The following SLC13A1 variants were observed in gnomAD, a reference collection of about 807,000 sequenced individuals.
The protein encoded by SLC13A1 is solute carrier family 13 member 1, also known as Na(+)/sulfate cotransporter.
Under a neutral mutation model 70.0 loss-of-function variants are expected in SLC13A1, and 65 were observed. The ratio of observed to expected loss-of-function variants is 0.93; its 90% CI spans 0.76 to 1.14. SLC13A1 has a LOEUF of 1.14. Among genes scored for constraint, SLC13A1 ranks in the 50% most tolerant of loss-of-function variants. SLC13A1 has a pLI of 0.00. For missense variants in SLC13A1, 726 were observed against 717.8 expected, an observed-to-expected ratio of 1.01 and a Z score of -0.13; for synonymous variants, 275 against 250.5, an observed-to-expected ratio of 1.10 and a Z score of -0.92.
intron 1 of SLC13A1, among the ~76,000 whole-genome samples, chr7:123,193,619 T>C (rs1248748657): frequency 6.6e-6 from 1 of 152,136 alleles, no homozygotes; most frequent in Non-Finnish European, 1.5e-5. Flanking sequence ...AAATAAGCAA[T>C]GACATCATGA....
At chr7:123,189,316 C>T (rs1795923683) in intron 1 of SLC13A1, among the ~76,000 whole-genome samples, 1 of 151,880 alleles carries the variant, frequency 6.6e-6, no homozygotes, top group African/African-American at 2.4e-5. Context: ...CATGTTGCTA[C>T]ATATTTTCTA....
intron 12 of SLC13A1, among the ~76,000 whole-genome samples, chr7:123,119,641 A>T (rs929875344): frequency 1.3e-5 from 2 of 152,018 alleles, no homozygotes; most frequent in African/African-American, 2.4e-5. Context: ...AGCCACTTAT[A>T]GCTAGCTATA....
intron 6 of SLC13A1, among the ~76,000 whole-genome samples, chr7:123,161,122 G>C (rs1011169901): frequency 6.6e-6 from 1 of 151,364 alleles, no homozygotes; most frequent in African/African-American, 2.4e-5. Flanking sequence ...TTGGTTCTTT[G>C]ACAAGACTTG....
chr7:123,174,882 C>G (rs549484555), intron 2 of SLC13A1, among the ~76,000 whole-genome samples: 43 of 152,000 alleles, frequency 2.8e-4, no homozygotes, highest in African/African-American at 1.0e-3. Context: ...ATGACCCTCT[C>G]TGCTTGTCTT....
chr7:123,159,940 G>A (rs1182030015), intron 6 of SLC13A1, among the ~76,000 whole-genome samples: 1 of 151,914 alleles, frequency 6.6e-6, no homozygotes, highest in Non-Finnish European at 1.5e-5. Context: ...TATAAAAGCT[G>A]GTAGTGTCAT....
chr7:123,149,561 C>T, intron 6 of SLC13A1: 1 of 456,530 alleles, frequency 2.2e-6, no homozygotes. Flanking sequence ...TCAGCCTTCT[C>T]ATTTTAAACA....
At position 123,147,154 on chromosome 7, in the gene SLC13A1, C is replaced by T. The variant is rs746534922; in HGVS notation, c.812+5G>A. The stretch of plus-strand genomic sequence containing the variant: ...TTAAATCACCAATCCAATAAGGTTA[C>T]TTACGTATTGAAATACTCTGCAAAG... On this transcript the variant is annotated splice_donor_5th_base_variant and intron_variant, in intron 7 of 14. Coordinates refer to ENST00000194130, the MANE Select transcript of SLC13A1 (RefSeq NM_022444.4). 1 of 1,612,450 alleles carries T rather than the reference C, an allele frequency of 6.2e-7. No individual in the cohort carries two copies. Among genetic ancestry groups the T allele is most frequent in the Non-Finnish European group, 8.5e-7 (1 of 1,179,366 alleles).
At chr7:123,151,513 T>C (rs1436479785) in intron 6 of SLC13A1, among the ~76,000 whole-genome samples, 1 of 152,026 alleles carries the variant, frequency 6.6e-6, no homozygotes, top group African/African-American at 2.4e-5. Context: ...TAAGCTGATG[T>C]CATCACCATC....
At chr7:123,178,017 T>TTCTTTCTCTCTCTCTCTCTC in intron 2 of SLC13A1, among the ~76,000 whole-genome samples, 1 of 148,926 alleles carries the variant, frequency 6.7e-6, no homozygotes, top group Admixed American at 6.7e-5. Context: ...ATCTCTCTCT[T>TTCTTTCTCTCTCTCTCTCTC]TCTCTCTCTC....
At chr7:123,164,009 T>C (rs967252627) in intron 6 of SLC13A1, among the ~76,000 whole-genome samples, 2 of 152,072 alleles carry the variant, frequency 1.3e-5, no homozygotes, top group East Asian at 3.8e-4. Flanking sequence ...CCTTGCATTT[T>C]AGTGGAGAAA....
chr7:123,113,843 G>A lies in SLC13A1; in HGVS notation c.*1675C>T, dbSNP rs1793083683. On this transcript the variant is annotated 3_prime_UTR_variant, in exon 15 of 15. Coordinates refer to ENST00000194130, the MANE Select transcript of SLC13A1 (RefSeq NM_022444.4). ...AACATGGCCAATTAATAATTCGTAT[G>A]TTAAATATTATTTTAAAAACCCTCT... The A allele has an allele frequency of 6.6e-6, 1 of 152,012 alleles. No homozygotes were observed. The highest frequency in any genetic ancestry group is 1.5e-5 in the Non-Finnish European group (1 of 67,996). 9.4% of individuals were successfully genotyped at this position (152,012 alleles called of 1,614,324 possible).
In SLC13A1 at chr7:123,115,513, G is replaced by A. The variant is rs745875592; in HGVS notation, c.*5C>T. 1.1e-5 allele frequency: 17 copies of A among 1,603,976 alleles called. No individual in the cohort carries two copies. Among genetic ancestry groups the A allele is most frequent in the Non-Finnish European group, 1.4e-5 (16 of 1,173,846 alleles). On this transcript the variant is annotated 3_prime_UTR_variant, in exon 15 of 15. Coordinates refer to ENST00000194130, the MANE Select transcript of SLC13A1 (RefSeq NM_022444.4). ...ACCGCAAGATAGTCAGAAATTTTGT[G>A]CTTATTATGGCATGGTCTCATTACT...
intron 3 of SLC13A1, 83 bp downstream of exon 3, chr7:123,171,685 G>A (rs374378675): frequency 2.4e-5 from 32 of 1,349,048 alleles, no homozygotes; most frequent in South Asian, 1.3e-4. Flanking sequence ...TTTCCTGGGC[G>A]TGAATTACTT....
chr7:123,127,281 A>G (rs978494879), intron 10 of SLC13A1, among the ~76,000 whole-genome samples: 2 of 152,082 alleles, frequency 1.3e-5, no homozygotes, highest in African/African-American at 2.4e-5. Context: ...CTCATAGCCA[A>G]TACACTGCTT....
chr7:123,119,412 G>A (rs1021884738), intron 12 of SLC13A1, among the ~76,000 whole-genome samples, 170 bp from the exon 13 acceptor site: 3 of 151,836 alleles, frequency 2.0e-5, no homozygotes, highest in Non-Finnish European at 4.4e-5. Context: ...TGGTAGGAAG[G>A]AGCTATTGCT....
intron 1 of SLC13A1, among the ~76,000 whole-genome samples, chr7:123,184,290 T>C (rs1397557364): frequency 2.6e-5 from 4 of 152,144 alleles, no homozygotes; most frequent in Non-Finnish European, 5.9e-5. Context: ...GAGAACACTT[T>C]ATATCCACTC....
chr7:123,187,829 ATGTT>A (rs1795859671), intron 1 of SLC13A1, among the ~76,000 whole-genome samples: 1 of 151,756 alleles, frequency 6.6e-6, no homozygotes, highest in Non-Finnish European at 1.5e-5. Context: ...TTTTCTACTG[ATGTT>A]TGTTTGGATT....
rs545800338 is a variant in SLC13A1, at chr7:123,171,674, A to G, written c.365+94T>C. Reference sequence around the variant, plus strand: ...CATAAGTCAGACTGTGATACAAAGAATTTCCTGGGCGTGAATTACTTATTT... The same window carrying G: ...CATAAGTCAGACTGTGATACAAAGAGTTTCCTGGGCGTGAATTACTTATTT... On this transcript the variant is annotated intron_variant, in intron 3 of 14. Coordinates refer to ENST00000194130, the MANE Select transcript of SLC13A1 (RefSeq NM_022444.4). The G allele has an allele frequency of 1.9e-4, 240 of 1,275,422 alleles. 4 individuals are homozygous for G. The South Asian group carries it at 2.5e-3, about 13-fold the overall frequency. The allele number at this position is 1,275,422 out of a possible 1,614,324, so 79.0% of individuals were successfully genotyped here. A position where few individuals can be genotyped will look rare whatever the true frequency, so the allele number is the denominator to read the frequency against.
Position 123,113,790 on chromosome 7 carries a change from G to A in SLC13A1, c.*1728C>T, listed in dbSNP as rs532519740. On this transcript the variant is annotated 3_prime_UTR_variant, in exon 15 of 15. Coordinates refer to ENST00000194130, the MANE Select transcript of SLC13A1 (RefSeq NM_022444.4). ...TTTGAAAAAATGATTTTTTGCATTG[G>A]CCCATTAATAAACATAGATAAATAA... 2 of 151,952 alleles carry A rather than the reference G, an allele frequency of 1.3e-5. No homozygotes were observed. The highest frequency in any genetic ancestry group is 2.1e-4 in the South Asian group (1 of 4,820). The allele number at this position is 151,952 out of a possible 1,614,324, so 9.4% of individuals were successfully genotyped here. A position where few individuals can be genotyped will look rare whatever the true frequency, so the allele number is the denominator to read the frequency against.
Sources: allele counts gnomAD v4.1 joint callset (sites outside exome capture counted in the v4.1 genomes callset), GRCh38; gene constraint gnomAD v4.1.1; transcripts MANE v1.5; gene names NCBI Gene and HGNC (gene_info 2026-07-23, HGNC 2026-07-21).